NF1: variants seen among roughly 807,000 people sequenced by gnomAD.
NF1 encodes the protein neurofibromin 1.
A neutral mutation model predicts 325.7 loss-of-function variants in NF1; 122 were observed. That is an observed-to-expected ratio of 0.37 (90% CI 0.32 to 0.44). NF1 has a LOEUF of 0.44. Ranked by LOEUF, NF1 falls within the 20% of genes least tolerant of loss-of-function variation. NF1 has a pLI of 1.00. For missense variants in NF1, 2,140 were observed against 3,415.4 expected, an observed-to-expected ratio of 0.63 and a Z score of 9.31; for synonymous variants, 1,091 against 1,186.0, an observed-to-expected ratio of 0.92 and a Z score of 1.65.
intron 27 of NF1, among the ~76,000 whole-genome samples, chr17:31,234,250 C>T (rs2067162036): frequency 6.6e-6 from 1 of 152,130 alleles, no homozygotes; most frequent in South Asian, 2.1e-4. Context: ...TAGCAACAGC[C>T]CCAAATTATT....
chr17:31,253,023 T>G, intron 31 of NF1, 23 bp downstream of exon 31: 1 of 1,587,386 alleles, frequency 6.3e-7, no homozygotes, highest in South Asian at 1.1e-5. Flanking sequence ...AACTTTTTAT[T>G]AGCTGTTTCT....
chr17:31,144,797 C>T (rs1016964486), intron 1 of NF1, among the ~76,000 whole-genome samples: 11 of 152,028 alleles, frequency 7.2e-5, no homozygotes, highest in East Asian at 3.9e-4. Flanking sequence ...GCCTTTAAGC[C>T]GTATTTTATT....
chr17:31,256,489 G>A (rs1299470358), intron 31 of NF1, among the ~76,000 whole-genome samples: 1 of 152,176 alleles, frequency 6.6e-6, no homozygotes, highest in Non-Finnish European at 1.5e-5. Flanking sequence ...CCACTCAGTA[G>A]CAATGATGGT....
At chr17:31,310,928 A>G (rs1201644054) in intron 36 of NF1, among the ~76,000 whole-genome samples, 1 of 151,446 alleles carries the variant, frequency 6.6e-6, no homozygotes, top group Non-Finnish European at 1.5e-5. Flanking sequence ...GTCCCCGTGT[A>G]TAAGACATGT....
At chr17:31,327,936 T>C in intron 38 of NF1, 97 bp downstream of exon 38, 2 of 1,181,566 alleles carry the variant, frequency 1.7e-6, no homozygotes, top group Non-Finnish European at 1.2e-6. Context: ...ACCTTAATAT[T>C]GTAAATTGGA....
intron 14 of NF1, among the ~76,000 whole-genome samples, chr17:31,220,706 C>CA (rs1227643748): frequency 1.3e-5 from 2 of 150,210 alleles, no homozygotes; most frequent in East Asian, 1.9e-4. Flanking sequence ...ATGGAAAATA[C>CA]AAAAAAAAGA....
rs902967952 is a variant in NF1 at position 31,340,169 on chromosome 17, T to C, written c.6922-336T>C. 4 of 311,864 alleles carry C rather than the reference T, an allele frequency of 1.3e-5. No homozygotes were observed. The Admixed American group carries it at 1.9e-4, about 15-fold the overall frequency. The allele number at this position is 311,864 out of a possible 1,614,324, so 19.3% of individuals were successfully genotyped here. A position where few individuals can be genotyped will look rare whatever the true frequency, so the allele number is the denominator to read the frequency against. On this transcript the variant is annotated intron_variant, in intron 46 of 57. Coordinates refer to ENST00000358273, the MANE Select transcript of NF1 (RefSeq NM_001042492.3). ...AATCCACCTTTATAATAAAGAAGGT[T>C]GGCATGTGGTAATGTCATTAGCAAT...
At chr17:31,344,048 T>C (rs1445233653) in intron 48 of NF1, among the ~76,000 whole-genome samples, 1 of 152,132 alleles carries the variant, frequency 6.6e-6, no homozygotes, top group Non-Finnish European at 1.5e-5. Context: ...CCTAAGTATC[T>C]TACTGATTTT....
At chr17:31,124,296 C>T (rs1291027032) in intron 1 of NF1, among the ~76,000 whole-genome samples, 1 of 151,750 alleles carries the variant, frequency 6.6e-6, no homozygotes, top group Non-Finnish European at 1.5e-5. Context: ...AACTCCTGGC[C>T]CCAAGGAATC....
At chr17:31,330,918 A>G (rs966198535) in intron 39 of NF1, 6 of 176,924 alleles carry the variant, frequency 3.4e-5, no homozygotes, top group Non-Finnish European at 7.2e-5. Flanking sequence ...TTTATTGTAA[A>G]TGTACAGTTC....
At chr17:31,268,135 C>A (rs1023230917) in intron 36 of NF1, among the ~76,000 whole-genome samples, 15 of 152,290 alleles carry the variant, frequency 9.8e-5, no homozygotes, top group Admixed American at 3.9e-4. Flanking sequence ...CTTTCTGTAT[C>A]CTTTCAGCTT....
chr17:31,346,968 A>G (rs572044373), intron 48 of NF1, among the ~76,000 whole-genome samples: 16 of 151,404 alleles, frequency 1.1e-4, no homozygotes, highest in Admixed American at 1.1e-3. Flanking sequence ...TATGAAGAGG[A>G]TCTTATTAAA....
chr17:31,261,238 C>G (rs1435591845), intron 34 of NF1, among the ~76,000 whole-genome samples: 1 of 150,276 alleles, frequency 6.7e-6, no homozygotes, highest in Non-Finnish European at 1.5e-5. Context: ...AGCTAAACTC[C>G]ATCTCAGAAA....
intron 1 of NF1, among the ~76,000 whole-genome samples, chr17:31,097,783 G>C (rs1396727390): frequency 6.6e-6 from 1 of 151,942 alleles, no homozygotes; most frequent in East Asian, 1.9e-4. Context: ...TGCAACCCCT[G>C]CTTCCCACAT....
At chr17:31,133,506 G>T (rs887948471) in intron 1 of NF1, 4 of 152,132 alleles carry the variant, frequency 2.6e-5, no homozygotes, top group Non-Finnish European at 5.9e-5. Context: ...CTAGAAGTAG[G>T]GTTGCTGGAT....
At chr17:31,198,678 G>C (rs2066476011) in intron 8 of NF1, among the ~76,000 whole-genome samples, 1 of 152,050 alleles carries the variant, frequency 6.6e-6, no homozygotes, top group Non-Finnish European at 1.5e-5. Flanking sequence ...GCAGTGACAA[G>C]ATCTTGGCTC....
intron 21 of NF1, 35 bp from the exon 22 acceptor site, chr17:31,229,800 A>G (rs775324493): frequency 1.2e-6 from 2 of 1,611,090 alleles, no homozygotes; most frequent in Non-Finnish European, 8.5e-7. Context: ...CTGGGCATTG[A>G]TGGCAAATCA....
At chr17:31,208,740 A>C (rs1366367776) in intron 12 of NF1, among the ~76,000 whole-genome samples, 2 of 152,042 alleles carry the variant, frequency 1.3e-5, no homozygotes, top group Non-Finnish European at 2.9e-5. Context: ...AAAATACAAA[A>C]ATTAGCCAGG....
chr17:31,254,484 A>G (rs933997805), intron 31 of NF1, among the ~76,000 whole-genome samples: 16 of 152,096 alleles, frequency 1.1e-4, no homozygotes, highest in Admixed American at 7.2e-4. Flanking sequence ...ATTGGATTAT[A>G]AAGACGTTTC....
Sources: allele counts gnomAD v4.1 joint callset (sites outside exome capture counted in the v4.1 genomes callset), GRCh38; gene constraint gnomAD v4.1.1; transcripts MANE v1.5; gene names NCBI Gene and HGNC (gene_info 2026-07-23, HGNC 2026-07-21).